CDK14: variants seen among roughly 807,000 people sequenced by gnomAD.
CDK14 encodes the protein cyclin-dependent kinase 14.
Under a neutral mutation model 60.7 loss-of-function variants are expected in CDK14, and 34 were observed. The observed-to-expected ratio is 0.56, with a 90% confidence interval of 0.43 to 0.75. The LOEUF is 0.75. Ranked by LOEUF, CDK14 falls within the 30% of genes least tolerant of loss-of-function variation. The pLI, the probability that CDK14 is intolerant of heterozygous loss-of-function variation, is 0.00. For synonymous variants in CDK14, 197 were observed against 203.7 expected (o/e 0.97, Z 0.28); for missense variants, 482 against 564.1 (o/e 0.85, Z 1.47).
At chr7:91,204,547 ACTC>A (rs1433681234) in intron 14 of CDK14, among the ~76,000 whole-genome samples, 2 of 152,194 alleles carry the variant, frequency 1.3e-5, no homozygotes, top group African/African-American at 4.8e-5. Flanking sequence ...TGTGTAAAGA[ACTC>A]CTACAACTCA....
intron 6 of CDK14, among the ~76,000 whole-genome samples, chr7:90,892,600 A>G (rs928631538): frequency 1.3e-5 from 2 of 152,152 alleles, no homozygotes; most frequent in Admixed American, 6.6e-5. Context: ...AATATGGGAA[A>G]CCCACAGTCT....
At chr7:90,711,458 A>G (rs1341139057) in intron 2 of CDK14, among the ~76,000 whole-genome samples, 1 of 150,100 alleles carries the variant, frequency 6.7e-6, no homozygotes, top group Admixed American at 6.6e-5. Flanking sequence ...TCATATTTTT[A>G]CCTTTACTTT....
At chr7:90,652,710 C>T (rs1188566328) in intron 2 of CDK14, among the ~76,000 whole-genome samples, 5 of 152,160 alleles carry the variant, frequency 3.3e-5, no homozygotes, top group Admixed American at 3.3e-4. Context: ...TTTATGTTGT[C>T]TTCTTTAATT....
chr7:91,082,899 A>G (rs1002007851), intron 12 of CDK14, among the ~76,000 whole-genome samples: 6 of 152,210 alleles, frequency 3.9e-5, no homozygotes, highest in African/African-American at 1.4e-4. Flanking sequence ...AGAATTCGCA[A>G]CAAACTGAAA....
chr7:91,178,460 TG>T (rs1315124493), intron 14 of CDK14, among the ~76,000 whole-genome samples: 1 of 139,062 alleles, frequency 7.2e-6, no homozygotes, highest in Non-Finnish European at 1.6e-5. Flanking sequence ...AATTGACAAA[TG>T]GGATCTAATT....
intron 9 of CDK14, among the ~76,000 whole-genome samples, chr7:90,963,080 C>A: frequency 1.2e-5 from 1 of 82,334 alleles, no homozygotes; most frequent in South Asian, 4.5e-4. Context: ...ATATTCTCAT[C>A]TTAAGAGTGT....
At chr7:91,064,563 A>G (rs946656446) in intron 11 of CDK14, among the ~76,000 whole-genome samples, 2 of 152,362 alleles carry the variant, frequency 1.3e-5, no homozygotes, top group East Asian at 3.9e-4. Flanking sequence ...AGTCGTGGGT[A>G]TCCTAGCTCT....
At chr7:90,976,021 A>G (rs79115394) in intron 9 of CDK14, among the ~76,000 whole-genome samples, 22,248 of 152,134 alleles carry the variant, frequency 0.15, 1,851 homozygotes, top group Middle Eastern at 0.28. Context: ...TGTCTCTTCA[A>G]TATACTGATT....
chr7:90,644,922 T>C (rs546716042), intron 2 of CDK14, among the ~76,000 whole-genome samples: 1 of 152,228 alleles, frequency 6.6e-6, no homozygotes, highest in Non-Finnish European at 1.5e-5. Context: ...AGCTTTTCTT[T>C]TTGCATAAAG....
intron 6 of CDK14, among the ~76,000 whole-genome samples, chr7:90,865,409 C>T (rs1032032703): frequency 1.3e-5 from 2 of 152,088 alleles, no homozygotes; most frequent in African/African-American, 4.8e-5. Context: ...ATTGCTTGTT[C>T]TTTGTAAATA....
chr7:90,696,931 G>T (rs544178103), intron 2 of CDK14, among the ~76,000 whole-genome samples: 9 of 152,270 alleles, frequency 5.9e-5, no homozygotes, highest in Admixed American at 2.6e-4. Context: ...CAGGAAGGAG[G>T]AGGTGATCAA....
At chr7:90,761,196 T>G (rs2116860106) in intron 4 of CDK14, among the ~76,000 whole-genome samples, 1 of 152,368 alleles carries the variant, frequency 6.6e-6, no homozygotes, top group East Asian at 1.9e-4. Context: ...TGGCCTCTCT[T>G]AGCCATGTTT....
intron 5 of CDK14, among the ~76,000 whole-genome samples, chr7:90,829,623 C>T (rs910797529): frequency 6.6e-6 from 1 of 152,070 alleles, no homozygotes. Context: ...CCTCCGCCCC[C>T]CCAGGTTCAA....
chr7:90,601,057 C>A (rs1201113208), intron 1 of CDK14, among the ~76,000 whole-genome samples: 1 of 152,228 alleles, frequency 6.6e-6, no homozygotes, highest in Admixed American at 6.5e-5. Flanking sequence ...TTGGAGAACA[C>A]AGGAGGAGCA....
chr7:90,887,290 A>G (rs3802037), intron 6 of CDK14, among the ~76,000 whole-genome samples: 31,560 of 152,094 alleles, frequency 0.21, 4,202 homozygotes, highest in Non-Finnish European at 0.29. Context: ...AAACCTAATT[A>G]CTTTGCCTCT....
At chr7:90,607,789 A>C (rs1276804651) in intron 2 of CDK14, among the ~76,000 whole-genome samples, 1 of 152,202 alleles carries the variant, frequency 6.6e-6, no homozygotes, top group African/African-American at 2.4e-5. Flanking sequence ...CTTTTCATTC[A>C]TTGTGTATTT....
At chr7:91,079,848 A>T (rs1041290373) in intron 12 of CDK14, among the ~76,000 whole-genome samples, 2 of 152,206 alleles carry the variant, frequency 1.3e-5, no homozygotes. Flanking sequence ...ACAACTTTTG[A>T]GCTAAAGTTG....
chr7:90,634,406 A>G (rs1454072733), intron 2 of CDK14, among the ~76,000 whole-genome samples: 1 of 150,822 alleles, frequency 6.6e-6, no homozygotes, highest in Non-Finnish European at 1.5e-5. Flanking sequence ...TGTCCTTGCG[A>G]TAGTTTACTG....
chr7:90,937,635 T>C (rs1323642711), intron 8 of CDK14, among the ~76,000 whole-genome samples: 2 of 152,220 alleles, frequency 1.3e-5, no homozygotes, highest in Non-Finnish European at 2.9e-5. Context: ...GGTAAACTTT[T>C]TCTGTAAAGA....
Sources: gnomAD v4.1 joint callset for allele counts (sites outside exome capture counted in the v4.1 genomes callset) on GRCh38, gnomAD v4.1.1 for gene constraint, MANE v1.5 for transcripts, NCBI Gene and HGNC (gene_info 2026-07-23, HGNC 2026-07-21) for gene names.